TMEM132D: variants seen among roughly 807,000 people sequenced by gnomAD.
TMEM132D encodes the protein mature OL transmembrane protein.
TMEM132D carries 21 observed loss-of-function variants against 62.3 expected under a neutral mutation model. The ratio of observed to expected loss-of-function variants is 0.34; its 90% CI spans 0.24 to 0.49. The LOEUF is 0.49. Among genes scored for constraint, TMEM132D ranks in the 20% least tolerant of loss-of-function variants. The pLI is 0.99. For synonymous variants in TMEM132D, 621 were observed against 575.6 expected (o/e 1.08, Z -1.13); for missense variants, 1,346 against 1,402.8 (o/e 0.96, Z 0.65).
At chr12:129,886,490 A>G (rs575217795) in intron 1 of TMEM132D, among the ~76,000 whole-genome samples, 1 of 152,310 alleles carries the variant, frequency 6.6e-6, no homozygotes, top group East Asian at 1.9e-4. Context: ...AAACATCCCC[A>G]TTCCCAAACT....
Position 129,747,505 on chromosome 12 carries a change from GAC to G in TMEM132D, c.80-46809_80-46808del, listed in dbSNP as rs540030391. Among the ~76,000 whole-genome samples, 53 of 144,498 alleles carry G rather than the reference GAC, an allele frequency of 3.7e-4. No individual in the cohort carries two copies. The East Asian group carries it at 4.6e-3, about 13-fold the overall frequency. The allele number at this position is 144,498 out of a possible 152,430, so 94.8% of individuals were successfully genotyped here. On this transcript the variant is annotated intron_variant, in intron 1 of 8. Coordinates refer to ENST00000422113, the MANE Select transcript of TMEM132D (RefSeq NM_133448.3). ...TCAGATACCCTCTCACACACACTCA[GAC>G]ACACACACACTCTCACACATTCAGA...
intron 3 of TMEM132D, among the ~76,000 whole-genome samples, chr12:129,530,628 T>C (rs552485175): frequency 1.3e-5 from 2 of 152,370 alleles, no homozygotes; most frequent in African/African-American, 4.8e-5. Flanking sequence ...TCATATGCAT[T>C]GTATTTAAAT....
At chr12:129,633,730 G>A (rs1351501776) in intron 2 of TMEM132D, among the ~76,000 whole-genome samples, 5 of 152,006 alleles carry the variant, frequency 3.3e-5, no homozygotes, top group African/African-American at 7.3e-5. Context: ...CCCATTTAAC[G>A]GTCCCCGGGC....
At chr12:129,520,550 T>A (rs1566096419) in intron 3 of TMEM132D, among the ~76,000 whole-genome samples, 1 of 152,194 alleles carries the variant, frequency 6.6e-6, no homozygotes, top group Non-Finnish European at 1.5e-5. Context: ...AAGGAGCATG[T>A]AAGTGACCCT....
At chr12:129,086,199 CGCGTGTGTGTGTGT>C (rs1372270531) in intron 5 of TMEM132D, among the ~76,000 whole-genome samples, 2 of 116,120 alleles carry the variant, frequency 1.7e-5, no homozygotes, top group Non-Finnish European at 3.7e-5. Context: ...GTCACGCGCG[CGCGTGTGTGTGTGT>C]GTGTGTGTGT....
intron 5 of TMEM132D, chr12:129,111,183 T>C (rs768083091): frequency 1.3e-5 from 2 of 152,108 alleles, no homozygotes; most frequent in African/African-American, 2.4e-5. Context: ...TCCGGAAAGA[T>C]AAATAGGGAA....
At chr12:129,773,489 G>A (rs1870823126) in intron 1 of TMEM132D, among the ~76,000 whole-genome samples, 1 of 152,190 alleles carries the variant, frequency 6.6e-6, no homozygotes, top group African/African-American at 2.4e-5. Context: ...TTGGTCGGTT[G>A]AGTGAAGATA....
At chr12:129,552,866 CCTAT>C (rs763627089) in intron 2 of TMEM132D, among the ~76,000 whole-genome samples, 20 of 152,170 alleles carry the variant, frequency 1.3e-4, no homozygotes, top group Non-Finnish European at 2.6e-4. Flanking sequence ...CTATCATCTA[CCTAT>C]CTATTTATCG....
chr12:129,323,065 C>G (rs1287948299), intron 4 of TMEM132D, among the ~76,000 whole-genome samples: 1 of 152,118 alleles, frequency 6.6e-6, no homozygotes, highest in Non-Finnish European at 1.5e-5. Context: ...TTGTTGCTGA[C>G]AGGTTTAGGA....
At chr12:129,505,904 T>TA (rs1364686021) in intron 3 of TMEM132D, among the ~76,000 whole-genome samples, 2 of 152,186 alleles carry the variant, frequency 1.3e-5, no homozygotes, top group Non-Finnish European at 2.9e-5. Flanking sequence ...ACCTTAAGTT[T>TA]ATGTGAGTCC....
At chr12:129,344,163 C>T (rs1259387723) in intron 3 of TMEM132D, among the ~76,000 whole-genome samples, 1 of 152,142 alleles carries the variant, frequency 6.6e-6, no homozygotes, top group African/African-American at 2.4e-5. Flanking sequence ...TTTTGCTTTG[C>T]ACTGTGGACT....
At chr12:129,236,684 CT>C (rs1879795686) in intron 4 of TMEM132D, among the ~76,000 whole-genome samples, 1 of 151,944 alleles carries the variant, frequency 6.6e-6, no homozygotes, top group Non-Finnish European at 1.5e-5. Flanking sequence ...GACAAGTTTA[CT>C]TTTTTCTTTC....
chr12:129,406,204 T>C (rs879428510), intron 3 of TMEM132D, among the ~76,000 whole-genome samples: 7 of 152,222 alleles, frequency 4.6e-5, no homozygotes, highest in Non-Finnish European at 8.8e-5. Context: ...ACCAAGTGAA[T>C]GAGACACAAA....
intron 1 of TMEM132D, among the ~76,000 whole-genome samples, chr12:129,866,875 C>T (rs1481740076): frequency 6.6e-6 from 1 of 152,144 alleles, no homozygotes; most frequent in Non-Finnish European, 1.5e-5. Context: ...CAAGATGAGT[C>T]AGCCTATGTG....
At chr12:129,140,839 C>A (rs1313581864) in intron 5 of TMEM132D, among the ~76,000 whole-genome samples, 55 of 134,870 alleles carry the variant, frequency 4.1e-4, no homozygotes, top group East Asian at 4.7e-4. Context: ...AACTCTGTCT[C>A]AAAAAAAAAA....
rs538353549 is a variant in TMEM132D at position 129,195,106 on chromosome 12, T to G, written c.1443+14414A>C. 2.1e-4 allele frequency among the ~76,000 whole-genome samples: 32 copies of G among 152,092 alleles called. No homozygotes were observed. In the South Asian group the frequency reaches 2.7e-3, roughly 13 times the overall value. ...TGGTGATAAGTTCTATGAAAAAACA[T>G]AGGGCAGGGAAGAAGGATGGGGAAT... On this transcript the variant is annotated intron_variant, in intron 5 of 8. Transcript: ENST00000422113.
At chr12:129,118,956 G>A (rs560591882) in intron 5 of TMEM132D, among the ~76,000 whole-genome samples, 1 of 152,314 alleles carries the variant, frequency 6.6e-6, no homozygotes, top group African/African-American at 2.4e-5. Context: ...GGGCAGATTT[G>A]ATGCTCTGAC....
chr12:129,495,054 A>T (rs534392551), intron 3 of TMEM132D, among the ~76,000 whole-genome samples: 1 of 152,194 alleles, frequency 6.6e-6, no homozygotes, highest in Non-Finnish European at 1.5e-5. Context: ...TGCCAGAAAC[A>T]TAGGCTGCCT....
chr12:129,546,376 T>C (rs1876736758), intron 2 of TMEM132D, among the ~76,000 whole-genome samples: 1 of 152,142 alleles, frequency 6.6e-6, no homozygotes, highest in Non-Finnish European at 1.5e-5. Context: ...CGTGTGTATA[T>C]TATTCATATT....
Sources: gnomAD v4.1 joint callset for allele counts (sites outside exome capture counted in the v4.1 genomes callset) on GRCh38, gnomAD v4.1.1 for gene constraint, MANE v1.5 for transcripts, NCBI Gene and HGNC (gene_info 2026-07-23, HGNC 2026-07-21) for gene names.